ST3GAL5: variants seen among roughly 807,000 people sequenced by gnomAD.
The protein encoded by ST3GAL5 is ST3 beta-galactoside alpha-2,3-sialyltransferase 5, also known as lactosylceramide alpha-2,3-sialyltransferase.
In ST3GAL5, 25 loss-of-function variants were observed where a neutral mutation model predicts 46.1. The observed-to-expected ratio is 0.54, with a 90% CI of 0.40 to 0.76. The LOEUF (loss-of-function observed/expected upper bound fraction) is 0.76, where lower values mean the gene tolerates loss of function less well. Among genes scored for constraint, ST3GAL5 ranks in the 30% least tolerant of loss-of-function variants. The pLI is 0.00. For synonymous variants in ST3GAL5, 182 were observed against 192.7 expected (o/e 0.94, Z 0.46); for missense variants, 431 against 521.2 (o/e 0.83, Z 1.69).
intron 1 of ST3GAL5, 57 bp downstream of exon 1, chr2:85,888,767 C>T (rs1167492078): frequency 2.6e-6 from 3 of 1,151,950 alleles, no homozygotes. Flanking sequence ...CAAGTCGCCG[C>T]CGCAGCCCCC....
At chr2:85,846,234 A>G in intron 5 of ST3GAL5, 143 bp downstream of exon 5, 3 of 798,036 alleles carry the variant, frequency 3.8e-6, no homozygotes, top group Non-Finnish European at 6.2e-6. Context: ...GGGTTTCTAC[A>G]AAGAGAGTGA....
Position 85,842,581 on chromosome 2 carries a change from T to C in ST3GAL5, c.1008+1815A>G, listed in dbSNP as rs141828360. Among the ~76,000 whole-genome samples the C allele has an allele frequency of 5.5e-3, 831 of 152,212 alleles. 15 individuals carry two copies. The highest frequency in any genetic ancestry group is 0.019 in the African/African-American group (793 of 41,530). On this transcript the variant is annotated intron_variant, in intron 6 of 6. Coordinates refer to ENST00000638572, the MANE Select transcript of ST3GAL5 (RefSeq NM_003896.4). ...TTACTGTTTTTATCCAAAAGAAAAA[T>C]GCCATTTTATCAATTATAAAAATAG...
chr2:85,875,968 G>A (rs888259237), intron 1 of ST3GAL5, among the ~76,000 whole-genome samples: 3 of 152,178 alleles, frequency 2.0e-5, no homozygotes, highest in African/African-American at 7.2e-5. Flanking sequence ...AGCCAGAAGC[G>A]TAGAAGGTTG....
At chr2:85,887,382 G>A (rs1365513315) in intron 1 of ST3GAL5, 1 of 152,222 alleles carries the variant, frequency 6.6e-6, no homozygotes, top group Non-Finnish European at 1.5e-5. Context: ...TCTTCCATGA[G>A]CCCCTTCATG....
At position 85,888,959 on chromosome 2, in the gene ST3GAL5, G is replaced by A. The variant is rs1688089352; in HGVS notation, c.-54C>T. On this transcript the variant is annotated 5_prime_UTR_variant, in exon 1 of 7. Coordinates refer to ENST00000638572, the MANE Select transcript of ST3GAL5 (RefSeq NM_003896.4). ...AGCCCGGTACCCCGCGCCCCCACCCGCCCCCAGCGCCGCTCTCGCGCCCAT... is the reference window on the plus strand; with the variant it reads ...AGCCCGGTACCCCGCGCCCCCACCCACCCCCAGCGCCGCTCTCGCGCCCAT... 7 of 1,223,848 alleles carry A rather than the reference G, an allele frequency of 5.7e-6. No homozygotes were observed. Among genetic ancestry groups the A allele is most frequent in the African/African-American group, 3.2e-5 (2 of 62,540 alleles). 75.8% of individuals were successfully genotyped at this position (1,223,848 alleles called of 1,614,324 possible).
intron 3 of ST3GAL5, 140 bp downstream of exon 3, chr2:85,861,041 A>G (rs1240508752): frequency 1.5e-6 from 1 of 687,384 alleles, no homozygotes; most frequent in East Asian, 2.8e-5. Context: ...TTGGTTTTGG[A>G]GTGCTGAGAT....
At chr2:85,852,297 T>G (rs889862642) in intron 3 of ST3GAL5, among the ~76,000 whole-genome samples, 7 of 152,228 alleles carry the variant, frequency 4.6e-5, no homozygotes, top group African/African-American at 1.4e-4. Flanking sequence ...AGTGACCTTG[T>G]GGAACTTTCA....
At chr2:85,846,904 GCC>G in intron 4 of ST3GAL5, 1 of 218,732 alleles carries the variant, frequency 4.6e-6, no homozygotes, top group African/African-American at 2.3e-5. Context: ...GTTAGTTCTT[GCC>G]AGAATTTCAA....
chr2:85,839,987 A>T lies in ST3GAL5; in HGVS notation c.*157T>A, dbSNP rs1681814983. The T allele has an allele frequency of 9.5e-7, 1 of 1,050,656 alleles. No homozygotes were observed. The highest frequency in any genetic ancestry group is 1.4e-6 in the Non-Finnish European group (1 of 730,308). 65.1% of individuals were successfully genotyped at this position (1,050,656 alleles called of 1,614,324 possible). On this transcript the variant is annotated 3_prime_UTR_variant, in exon 7 of 7. Coordinates refer to ENST00000638572, the MANE Select transcript of ST3GAL5 (RefSeq NM_003896.4). ...GACCTCAAATAAATAGGAAAAAAAAAGTGGGAAGAGCTAAAATTTTTTTTG... is the reference window on the plus strand; with the variant it reads ...GACCTCAAATAAATAGGAAAAAAAATGTGGGAAGAGCTAAAATTTTTTTTG...
intron 6 of ST3GAL5, among the ~76,000 whole-genome samples, chr2:85,842,346 G>A (rs774571233): frequency 8.5e-5 from 13 of 152,126 alleles, no homozygotes; most frequent in Admixed American, 2.6e-4. Flanking sequence ...AATGTTTGTC[G>A]AAGGAGTGTG....
intron 3 of ST3GAL5, chr2:85,860,819 C>T (rs924372669): frequency 1.3e-5 from 4 of 298,814 alleles, no homozygotes; most frequent in Admixed American, 9.6e-5. Context: ...GGGTGCAGAG[C>T]GAGACCCTGA....
intron 1 of ST3GAL5, among the ~76,000 whole-genome samples, chr2:85,887,150 C>T (rs1687852382): frequency 6.6e-6 from 1 of 152,196 alleles, no homozygotes; most frequent in Non-Finnish European, 1.5e-5. Flanking sequence ...GATAAATTCC[C>T]CTCATTGCTG....
At chr2:85,869,825 C>T (rs1685717591) in intron 1 of ST3GAL5, among the ~76,000 whole-genome samples, 1 of 152,120 alleles carries the variant, frequency 6.6e-6, no homozygotes, top group Non-Finnish European at 1.5e-5. Context: ...ATGACAGAGG[C>T]CCCTCCCTTC....
chr2:85,845,357 T>C (rs189824970), intron 5 of ST3GAL5: 2 of 152,488 alleles, frequency 1.3e-5, no homozygotes. Flanking sequence ...TTTTATATGC[T>C]TTTGAATACC....
intron 1 of ST3GAL5, among the ~76,000 whole-genome samples, chr2:85,863,709 C>CTTT (rs144021958): frequency 1.4e-5 from 2 of 144,898 alleles, no homozygotes; most frequent in African/African-American, 2.5e-5. Flanking sequence ...TCTCAACATT[C>CTTT]TTTTTTTTTT....
chr2:85,874,125 T>C (rs1686258942), intron 1 of ST3GAL5, among the ~76,000 whole-genome samples: 1 of 152,208 alleles, frequency 6.6e-6, no homozygotes. Context: ...CTGTACTAAT[T>C]TTGACCATCA....
chr2:85,847,413 G>A, intron 4 of ST3GAL5: 1 of 1,001,374 alleles, frequency 1.0e-6, no homozygotes, highest in Non-Finnish European at 1.2e-6. Context: ...CCAACTTAGG[G>A]TCAGTATGAC....
At chr2:85,847,490 A>G in intron 4 of ST3GAL5, 1 of 1,037,934 alleles carries the variant, frequency 9.6e-7, no homozygotes, top group South Asian at 3.6e-5. Context: ...CCTTGTGGGC[A>G]GGGACTGTGA....
chr2:85,863,964 C>T (rs1320515797), intron 1 of ST3GAL5, among the ~76,000 whole-genome samples: 1 of 152,136 alleles, frequency 6.6e-6, no homozygotes, highest in Non-Finnish European at 1.5e-5. Flanking sequence ...CCTCGGCCTC[C>T]CAAAGTGCTG....
Sources: gnomAD v4.1 joint callset for allele counts (sites outside exome capture counted in the v4.1 genomes callset) on GRCh38, gnomAD v4.1.1 for gene constraint, MANE v1.5 for transcripts, NCBI Gene and HGNC (gene_info 2026-07-23, HGNC 2026-07-21) for gene names.